Variants in ERC1 observed in about 807,000 individuals in gnomAD.
ERC1 encodes ELKS/RAB6-interacting/CAST family member 1.
Under a neutral mutation model 132.0 loss-of-function variants are expected in ERC1, and 56 were observed. That is an observed-to-expected ratio of 0.42 (90% CI 0.34 to 0.53). ERC1 has a LOEUF of 0.53. Ranked by LOEUF, ERC1 falls within the 20% of genes least tolerant of loss-of-function variation. The pLI is 0.03. For missense variants in ERC1, 1,202 were observed against 1,349.9 expected (o/e 0.89, Z 1.72); for synonymous variants, 478 against 476.1 (o/e 1.00, Z -0.05).
intron 3 of ERC1, among the ~76,000 whole-genome samples, chr12:1,094,692 G>A (rs1173350880): frequency 6.6e-6 from 1 of 152,122 alleles, no homozygotes; most frequent in African/African-American, 2.4e-5. Flanking sequence ...TTACGGACGT[G>A]AGCCACCGTG....
At chr12:1,259,057 CTTT>C (rs1310789996) in intron 13 of ERC1, among the ~76,000 whole-genome samples, 3 of 151,968 alleles carry the variant, frequency 2.0e-5, no homozygotes, top group Non-Finnish European at 4.4e-5. Context: ...GCAAGATACT[CTTT>C]TAACATATTT....
chr12:1,097,944 G>A (rs1944249221), intron 3 of ERC1, among the ~76,000 whole-genome samples: 1 of 151,984 alleles, frequency 6.6e-6, no homozygotes, highest in Non-Finnish European at 1.5e-5. Flanking sequence ...TGAACTCCTG[G>A]CCTCAAGTGA....
At chr12:1,097,784 G>A (rs1297548985) in intron 3 of ERC1, among the ~76,000 whole-genome samples, 2 of 149,616 alleles carry the variant, frequency 1.3e-5, no homozygotes, top group Non-Finnish European at 3.0e-5. Flanking sequence ...TCGCGATCTC[G>A]GCTGACTGTA....
intron 16 of ERC1, among the ~76,000 whole-genome samples, chr12:1,372,740 C>A (rs1012460970): frequency 6.6e-6 from 1 of 152,208 alleles, no homozygotes; most frequent in African/African-American, 2.4e-5. Context: ...TGGCTGTCTC[C>A]TGCATTCCCA....
At chr12:1,111,615 T>C (rs895304646) in intron 5 of ERC1, among the ~76,000 whole-genome samples, 6 of 152,106 alleles carry the variant, frequency 3.9e-5, no homozygotes, top group African/African-American at 1.4e-4. Context: ...AACTTTTTTT[T>C]TTTTTCTTTT....
Position 1,494,830 on chromosome 12 carries a change from A to G in ERC1, c.*4600A>G. 4.3e-6 allele frequency: 1 copy of G among 230,522 alleles called. No homozygotes were observed. The highest frequency in any genetic ancestry group is 8.6e-6 in the Non-Finnish European group (1 of 116,296). 14.3% of individuals were successfully genotyped at this position (230,522 alleles called of 1,614,324 possible). ...TGAAAAATTAAACAGCTGTGTTTTA[A>G]AAATGCAAACCAATATCTTGTTAAT... On this transcript the variant is annotated 3_prime_UTR_variant, in exon 19 of 19. Coordinates refer to ENST00000360905, the MANE Select transcript of ERC1 (RefSeq NM_178040.4).
intron 17 of ERC1, among the ~76,000 whole-genome samples, chr12:1,434,798 T>C (rs1309537071): frequency 6.6e-6 from 1 of 152,244 alleles, no homozygotes; most frequent in African/African-American, 2.4e-5. Context: ...ATTTGTAGTA[T>C]CTCTGGTGTT....
At chr12:1,297,320 C>T (rs182425094) in intron 15 of ERC1, among the ~76,000 whole-genome samples, 21 of 151,690 alleles carry the variant, frequency 1.4e-4, no homozygotes, top group Admixed American at 1.4e-3. Flanking sequence ...CTCTAGAAAG[C>T]ACTCTAGAAG....
At position 1,115,931 on chromosome 12, in the gene ERC1, A is replaced by G. The variant is rs778764579; in HGVS notation, c.1467A>G (p.Leu489=). 30 of 1,614,066 alleles carry G rather than the reference A, an allele frequency of 1.9e-5. No homozygotes were observed. The highest frequency in any genetic ancestry group is 2.5e-5 in the Non-Finnish European group (29 of 1,180,004). ...DTELLALQTK[L]ETLTNQFSDS... ...AACTACTCGCCCTGCAGACAAAGCT[A>G]GAAACACTCACAAACCAGTTCTCAG... The change falls in exon 7 of 19, where the codon CTA becomes CTG. Residue 489 remains leucine (L), a synonymous_variant. Coordinates refer to ENST00000360905, the MANE Select transcript of ERC1 (RefSeq NM_178040.4).
chr12:1,196,974 ATATTTTTT>A (rs1287218735), intron 12 of ERC1, among the ~76,000 whole-genome samples: 9 of 52,134 alleles, frequency 1.7e-4, no homozygotes, highest in Admixed American at 9.8e-4. Context: ...ATATATATAT[ATATTTTTT>A]TTTTTTTTTT....
Position 1,338,556 on chromosome 12 carries a change from G to A in ERC1, c.2781-33277G>A, listed in dbSNP as rs779291296. Among the ~76,000 whole-genome samples the A allele has an allele frequency of 3.3e-5, 5 of 152,092 alleles. 1 individual carries two copies. The highest frequency in any genetic ancestry group is 4.8e-5 in the African/African-American group (2 of 41,404). ...TCTGTCATTTCTGCCATCTCAACCC[G>A]GTTCAGAACCCTTGCTGGAGTGGTG... is the stretch of plus-strand genomic sequence containing the variant. On this transcript the variant is annotated intron_variant, in intron 15 of 18. Transcript: ENST00000360905.
chr12:1,144,167 T>C (rs1950115959), intron 8 of ERC1, among the ~76,000 whole-genome samples: 1 of 152,214 alleles, frequency 6.6e-6, no homozygotes, highest in East Asian at 1.9e-4. Flanking sequence ...CCCACTAAAG[T>C]ACAGTGCTTG....
At chr12:1,174,467 G>C (rs948425366) in intron 8 of ERC1, among the ~76,000 whole-genome samples, 2 of 152,196 alleles carry the variant, frequency 1.3e-5, no homozygotes, top group Non-Finnish European at 2.9e-5. Context: ...ACTTGCTGAC[G>C]GCATTTTACC....
chr12:1,009,858 A>T (rs1437576532), intron 1 of ERC1, among the ~76,000 whole-genome samples: 1 of 152,226 alleles, frequency 6.6e-6, no homozygotes, highest in East Asian at 1.9e-4. Context: ...TTTGATTTTT[A>T]TAAATATGCA....
At chr12:1,361,214 T>G (rs764227484) in intron 15 of ERC1, among the ~76,000 whole-genome samples, 2 of 138,644 alleles carry the variant, frequency 1.4e-5, no homozygotes, top group African/African-American at 2.7e-5. Flanking sequence ...ATTGCCTGTT[T>G]TCATGGACAC....
chr12:1,251,117 A>AT (rs1218858721), intron 13 of ERC1, among the ~76,000 whole-genome samples: 3 of 151,840 alleles, frequency 2.0e-5, no homozygotes, highest in East Asian at 3.9e-4. Flanking sequence ...TTGATAAGAG[A>AT]TTTTTTTTCC....
chr12:1,275,042 A>G (rs1197790037), intron 14 of ERC1, among the ~76,000 whole-genome samples: 1 of 152,150 alleles, frequency 6.6e-6, no homozygotes, highest in Non-Finnish European at 1.5e-5. Flanking sequence ...GAGTGAATGA[A>G]TGGATGGTGT....
At chr12:1,162,174 C>T (rs1951944176) in intron 8 of ERC1, among the ~76,000 whole-genome samples, 1 of 152,164 alleles carries the variant, frequency 6.6e-6, no homozygotes, top group South Asian at 2.1e-4. Flanking sequence ...GATGGCCAAG[C>T]GTGCTGTACA....
At chr12:1,003,119 C>CCA (rs1555192336) in intron 1 of ERC1, among the ~76,000 whole-genome samples, 3 of 84,808 alleles carry the variant, frequency 3.5e-5, no homozygotes, top group South Asian at 4.5e-4. Context: ...AAAAAAGACT[C>CCA]AAAAAAAAAA....
Sources: gnomAD v4.1 joint callset for allele counts (sites outside exome capture counted in the v4.1 genomes callset) on GRCh38, gnomAD v4.1.1 for gene constraint, MANE v1.5 for transcripts, NCBI Gene and HGNC (gene_info 2026-07-23, HGNC 2026-07-21) for gene names.